MTOR: variants seen among roughly 807,000 people sequenced by gnomAD.
MTOR encodes the protein serine/threonine-protein kinase mTOR.
In MTOR, 70 loss-of-function variants were observed where a neutral mutation model predicts 319.8. The ratio of observed to expected loss-of-function variants is 0.22; its 90% CI spans 0.18 to 0.27. The LOEUF is 0.27. Among genes scored for constraint, MTOR ranks in the 10% least tolerant of loss-of-function variants. The pLI, the probability that MTOR is intolerant of heterozygous loss-of-function variation, is 1.00. For synonymous variants in MTOR, 1,183 were observed against 1,211.4 expected (o/e 0.98, Z 0.49); for missense variants, 1,890 against 3,274.4 (o/e 0.58, Z 10.32).
chr1:11,252,409 T>C (rs369920965), intron 6 of MTOR, among the ~76,000 whole-genome samples: 39 of 152,232 alleles, frequency 2.6e-4, no homozygotes, highest in Admixed American at 1.6e-3. Flanking sequence ...AGTGCTGAAA[T>C]TGCAGGTGTG....
intron 2 of MTOR, among the ~76,000 whole-genome samples, chr1:11,258,916 C>T (rs994977705): frequency 6.6e-6 from 1 of 152,186 alleles, no homozygotes; most frequent in Non-Finnish European, 1.5e-5. Flanking sequence ...AAGCCCCTAG[C>T]TCTCAACTCT....
At position 11,108,219 on chromosome 1, in the gene MTOR, C is replaced by T. The variant is rs1467623571; in HGVS notation, c.7596G>A (p.Ala2532=). The T allele has an allele frequency of 7.4e-6, 12 of 1,613,784 alleles. No homozygotes were observed. Among genetic ancestry groups the T allele is most frequent in the Non-Finnish European group, 1.0e-5 (12 of 1,179,812 alleles). ...ACTGGCAGAGGTTTTCATGGGATGTCGCTTGTTTGATGAGCAGCTCAACTT... is the reference window on the plus strand; with the variant it reads ...ACTGGCAGAGGTTTTCATGGGATGTTGCTTGTTTGATGAGCAGCTCAACTT... ...PTQVELLIKQ[A]TSHENLCQCY... is the part of the protein sequence containing the mutation. Residue 2532 remains alanine, a synonymous_variant, in exon 57 of 58, where the codon GCG becomes GCA. Coordinates refer to ENST00000361445, the MANE Select transcript of MTOR (RefSeq NM_004958.4).
At position 11,109,528 on chromosome 1, in the gene MTOR, AC is replaced by A. The variant is rs1468268781; in HGVS notation, c.7447+120del. Reference sequence around the variant, plus strand: ...CAGAATATAATGAGAAATTCATGGAACCTTTTCTGCTCAAAGGCAGTTTTGT... The same window carrying A: ...CAGAATATAATGAGAAATTCATGGAACTTTTCTGCTCAAAGGCAGTTTTGT... On this transcript the variant is annotated intron_variant, in intron 55 of 57. Coordinates refer to ENST00000361445, the MANE Select transcript of MTOR (RefSeq NM_004958.4). The surrounding 1 kb of genome is among the most constrained non-coding windows in gnomAD (Gnocchi z 4.0). The A allele has an allele frequency of 3.4e-5, 42 of 1,228,386 alleles. No homozygotes were observed. The highest frequency in any genetic ancestry group is 4.8e-5 in the Non-Finnish European group (41 of 845,658). The allele number at this position is 1,228,386 out of a possible 1,614,324, so 76.1% of individuals were successfully genotyped here. A position where few individuals can be genotyped will look rare whatever the true frequency, so the allele number is the denominator to read the frequency against.
chr1:11,109,897 T>A lies in MTOR; in HGVS notation c.7367-168A>T, dbSNP rs577391045. Among the ~76,000 whole-genome samples, 2 of 151,556 alleles carry A rather than the reference T, an allele frequency of 1.3e-5. No individual in the cohort carries two copies. Among genetic ancestry groups the A allele is most frequent in the East Asian group, 3.9e-4 (2 of 5,154 alleles). ...TTACTCTTTATGTATTTCAAAGTTT[T>A]AAGCTGGACATAGCTGTAATCTCAG... On this transcript the variant is annotated intron_variant, in intron 54 of 57. Coordinates refer to ENST00000361445, the MANE Select transcript of MTOR (RefSeq NM_004958.4). This position sits in a 1 kb window ranked among gnomAD's most constrained non-coding sequence, Gnocchi z 4.0.
rs1393053832 is a variant in MTOR, at chr1:11,148,926, G to GTA, written c.4570+1199_4570+1200insTA. ...AAAAAAAAATTATGTGTGTGTGTGTGTGTATATATATATATAATTGGTAGA... is the reference window on the plus strand; with the variant it reads ...AAAAAAAAATTATGTGTGTGTGTGTGTATGTATATATATATATAATTGGTAGA... On this transcript the variant is annotated intron_variant, in intron 31 of 57. Transcript: ENST00000361445. Among the ~76,000 whole-genome samples, 9 of 120,306 alleles carry GTA rather than the reference G, an allele frequency of 7.5e-5. No individual in the cohort carries two copies. The East Asian group carries it at 1.2e-3, about 16-fold the overall frequency. The allele number at this position is 120,306 out of a possible 152,430, so 78.9% of individuals were successfully genotyped here. A position where few individuals can be genotyped will look rare whatever the true frequency, so the allele number is the denominator to read the frequency against.
chr1:11,114,501 C>A (rs1405862590), intron 52 of MTOR, 48 bp from the exon 53 acceptor site: 1 of 1,609,666 alleles, frequency 6.2e-7, no homozygotes, highest in Non-Finnish European at 8.5e-7. Context: ...TAACTCTCCA[C>A]CCAAAGCAAG....
intron 20 of MTOR, among the ~76,000 whole-genome samples, chr1:11,214,644 G>T (rs1243866591): frequency 2.0e-5 from 3 of 152,158 alleles, no homozygotes; most frequent in Admixed American, 6.5e-5. Flanking sequence ...ATTTAAAAAG[G>T]TATCTTTAAA....
At chr1:11,256,384 G>A (rs1214223573) in intron 4 of MTOR, 192 bp from the exon 5 acceptor site, 1 of 932,240 alleles carries the variant, frequency 1.1e-6, no homozygotes, top group African/African-American at 1.8e-5. Flanking sequence ...CATTATCCTA[G>A]GTTGTTTACA....
intron 29 of MTOR, among the ~76,000 whole-genome samples, chr1:11,160,914 C>T (rs908632302): frequency 1.3e-5 from 2 of 152,148 alleles, no homozygotes; most frequent in Non-Finnish European, 2.9e-5. Context: ...GTTCATCTCA[C>T]TGGGGCTTGT....
At chr1:11,194,067 C>T (rs915637014) in intron 28 of MTOR, among the ~76,000 whole-genome samples, 2 of 152,118 alleles carry the variant, frequency 1.3e-5, no homozygotes, top group Admixed American at 6.5e-5. Flanking sequence ...CTGCTCTGGC[C>T]GAGCATGAGG....
intron 29 of MTOR, among the ~76,000 whole-genome samples, chr1:11,164,148 T>C (rs970630831): frequency 4.6e-5 from 7 of 151,678 alleles, no homozygotes; most frequent in African/African-American, 1.7e-4. Context: ...ATCAAGACCA[T>C]CCTGGCTAAC....
chr1:11,151,926 A>G (rs1160078702), intron 30 of MTOR, among the ~76,000 whole-genome samples: 1 of 152,124 alleles, frequency 6.6e-6, no homozygotes, highest in African/African-American at 2.4e-5. Context: ...TTTTCTTTTC[A>G]TCTAGAGCAG....
intron 28 of MTOR, among the ~76,000 whole-genome samples, chr1:11,188,115 TGGGAAG>T (rs1279350115): frequency 1.3e-5 from 2 of 152,190 alleles, no homozygotes; most frequent in Non-Finnish European, 1.5e-5. Flanking sequence ...CAGGCTTATG[TGGGAAG>T]GACCCACGCT....
At position 11,129,940 on chromosome 1, in the gene MTOR, A is replaced by AT; in HGVS notation, c.5614-103dup. ...ACTGTACCTACTTCAAAGGGTGGTT[A>AT]TAACAATTAAATCGGTTAATGCATG... On this transcript the variant is annotated intron_variant, in intron 39 of 57. Transcript: ENST00000361445. The surrounding 1 kb of genome is among the most constrained non-coding windows in gnomAD (Gnocchi z 4.7). 1 of 973,246 alleles carries AT rather than the reference A, an allele frequency of 1.0e-6. No homozygotes were observed. The highest frequency in any genetic ancestry group is 2.1e-4 in the Middle Eastern group (1 of 4,730). The allele number at this position is 973,246 out of a possible 1,614,324, so 60.3% of individuals were successfully genotyped here. A position where few individuals can be genotyped will look rare whatever the true frequency, so the allele number is the denominator to read the frequency against.
intron 28 of MTOR, chr1:11,194,441 G>C: frequency 6.2e-7 from 1 of 1,612,930 alleles, no homozygotes; most frequent in Non-Finnish European, 8.5e-7. Flanking sequence ...CTTTCTTTAA[G>C]GCTCTGCTCC....
chr1:11,120,277 AC>A (rs1330962131), intron 49 of MTOR, among the ~76,000 whole-genome samples: 1 of 151,440 alleles, frequency 6.6e-6, no homozygotes, highest in Non-Finnish European at 1.5e-5. Flanking sequence ...GGTGGCTCAT[AC>A]CTGTAATCCC....
rs2100505855 is a variant in MTOR, at chr1:11,144,671, G to A, written c.4849C>T (p.Gln1617Ter). The stretch of plus-strand genomic sequence containing the variant: ...ACCTGCAGTCTCTCCCACCAGATCT[G>A]GCGGATGATCTCTCGTCGCTCGGGG... The part of the protein sequence containing the change: ...LVPERREIIR[Q>*]IWWERLQGCQ... Residue 1617 changes from glutamine to a stop codon, truncating the protein, a stop_gained, in exon 34 of 58, where the codon CAG (glutamine) becomes TAG (stop). Transcript: ENST00000361445. LOFTEE classifies it high-confidence loss of function. 6.2e-7 allele frequency: 1 copy of A among 1,614,112 alleles called. No homozygotes were observed. Among genetic ancestry groups the A allele is most frequent in the Non-Finnish European group, 8.5e-7 (1 of 1,180,018 alleles).
rs1308247552 is a variant in MTOR, at chr1:11,248,025, T to C, written c.910A>G (p.Met304Val). ...LVHDKYCKDL[M>V]GFGTKPRHIT... ...TGACGAGGTTTTGTTCCGAAGCCCA[T>C]GAGATCTTTGCAGTACTTGTCGTGT... Residue 304 changes from methionine to valine, a missense_variant, in exon 7 of 58, where the codon ATG becomes GTG. By Grantham distance (21) the Met-to-Val change is conservative (BLOSUM62 1). Around this residue, in one of 15 missense-constraint regions of MTOR, gnomAD observed 418 missense variants for 543.1 expected, o/e 0.77. Coordinates refer to ENST00000361445, the MANE Select transcript of MTOR (RefSeq NM_004958.4). 1 of 1,606,618 alleles carries C rather than the reference T, an allele frequency of 6.2e-7. No homozygotes were observed. The highest frequency in any genetic ancestry group is 2.2e-5 in the East Asian group (1 of 44,850).
chr1:11,108,154 C>G (rs1173222092), intron 57 of MTOR, 27 bp downstream of exon 57: 2 of 1,591,080 alleles, frequency 1.3e-6, no homozygotes, highest in African/African-American at 2.7e-5. Context: ...CTTATTTTAA[C>G]AAAGTCACTT....
Sources: allele counts gnomAD v4.1 joint callset (sites outside exome capture counted in the v4.1 genomes callset), GRCh38; gene constraint gnomAD v4.1.1; regional missense constraint gnomAD v4.1.1; non-coding constraint Gnocchi (gnomAD v3.1); transcripts MANE v1.5; gene names NCBI Gene and HGNC (gene_info 2026-07-23, HGNC 2026-07-21).